Variants in KIF1A observed in about 807,000 individuals in gnomAD.
The protein encoded by KIF1A is kinesin-like protein KIF1A.
Under a neutral mutation model 227.3 loss-of-function variants are expected in KIF1A, and 46 were observed. The observed-to-expected ratio is 0.20, with a 90% confidence interval of 0.16 to 0.26. The LOEUF (loss-of-function observed/expected upper bound fraction) is 0.26. Ranked by LOEUF, KIF1A falls within the 10% of genes least tolerant of loss-of-function variation. The probability of loss-of-function intolerance (pLI) is 1.00; values close to 1 mark genes in which losing one functional copy is unlikely to be tolerated. For synonymous variants in KIF1A, 1,022 were observed against 1,012.8 expected (o/e 1.01, Z -0.17); for missense variants, 1,683 against 2,485.9 (o/e 0.68, Z 6.87).
In KIF1A at chr2:240,793,709, T is replaced by C. The variant is rs1386305033; in HGVS notation, c.106+3938A>G. Among the ~76,000 whole-genome samples the C allele has an allele frequency of 6.6e-6, 1 of 152,250 alleles. No homozygotes were observed. The highest frequency in any genetic ancestry group is 1.5e-5 in the Non-Finnish European group (1 of 68,048). ...GTGTTCAAATGAAGAGGATTATTTA[T>C]GCAGGTGATGATTACGGGATAACAG... On this transcript the variant is annotated intron_variant, in intron 2 of 48. Coordinates refer to ENST00000498729, the MANE Select transcript of KIF1A (RefSeq NM_001244008.2). The surrounding 1 kb of genome is among the most constrained non-coding windows in gnomAD (Gnocchi z 4.8).
intron 10 of KIF1A, among the ~76,000 whole-genome samples, chr2:240,779,843 C>G (rs1005398795): frequency 3.3e-5 from 5 of 152,322 alleles, no homozygotes; most frequent in Non-Finnish European, 4.4e-5. Flanking sequence ...GCATGCACTG[C>G]CTCCCAGTTG....
chr2:240,787,987 T>G, intron 4 of KIF1A, 64 bp downstream of exon 4: 1 of 1,469,722 alleles, frequency 6.8e-7, no homozygotes, highest in Non-Finnish European at 9.2e-7. Flanking sequence ...GGCCCGGAGC[T>G]CTCAGCCTCA....
chr2:240,786,765 G>GGGTGGGGGAC (rs2054915595), intron 5 of KIF1A, among the ~76,000 whole-genome samples: 1 of 117,642 alleles, frequency 8.5e-6, no homozygotes. Flanking sequence ...AGAGGGTAGG[G>GGGTGGGGGAC]GCCACCATCA....
chr2:240,818,447 A>T (rs1370440843), intron 1 of KIF1A, among the ~76,000 whole-genome samples: 1 of 152,148 alleles, frequency 6.6e-6, no homozygotes, highest in Non-Finnish European at 1.5e-5. Flanking sequence ...ACCCCTCTAA[A>T]TAGACGGTGT....
Position 240,787,316 on chromosome 2 carries a change from G to A in KIF1A, c.364C>T (p.Leu122Phe). ...EKDQQGIIPQ[L>F]CEDLFSRIND... ...ATCCGAGAGAAGAGGTCCTCGCAGA[G>A]CTGCAGGAATGGGGGGACAGTCAGC... Residue 122 changes from leucine to phenylalanine, a missense_variant and splice_region_variant, in exon 5 of 49, where the codon CTC becomes TTC. By Grantham distance (22) the Leu-to-Phe change is conservative (BLOSUM62 0). Around this residue, in one of 12 missense-constraint regions of KIF1A, gnomAD observed 75 missense variants for 131.2 expected, o/e 0.57. Transcript: ENST00000498729. The A allele has an allele frequency of 6.2e-7, 1 of 1,612,942 alleles. No homozygotes were observed. The highest frequency in any genetic ancestry group is 8.5e-7 in the Non-Finnish European group (1 of 1,179,474).
intron 2 of KIF1A, among the ~76,000 whole-genome samples, chr2:240,796,167 C>A (rs1275926474): frequency 6.6e-6 from 1 of 152,232 alleles, no homozygotes; most frequent in Non-Finnish European, 1.5e-5. Flanking sequence ...TCGAAGGTCA[C>A]ACCCAGAGCC....
chr2:240,725,532 G>T lies in KIF1A; in HGVS notation c.4123-128C>A. On this transcript the variant is annotated intron_variant, in intron 39 of 48. Coordinates refer to ENST00000498729, the MANE Select transcript of KIF1A (RefSeq NM_001244008.2). This position sits in a 1 kb window ranked among gnomAD's most constrained non-coding sequence, Gnocchi z 5.8. ...CCCCAGGGCCTTCCCAGGGCCTCAGGTGTGGCCTGGACGCAGGCAGGAGAA... is the reference window on the plus strand; with the variant it reads ...CCCCAGGGCCTTCCCAGGGCCTCAGTTGTGGCCTGGACGCAGGCAGGAGAA... 9.9e-7 allele frequency: 1 copy of T among 1,005,088 alleles called. No individual in the cohort carries two copies. The highest frequency in any genetic ancestry group is 1.4e-6 in the Non-Finnish European group (1 of 692,498). 62.3% of individuals were successfully genotyped at this position (1,005,088 alleles called of 1,614,324 possible).
chr2:240,734,134 C>T (rs989455932), intron 38 of KIF1A, among the ~76,000 whole-genome samples: 17 of 152,254 alleles, frequency 1.1e-4, no homozygotes, highest in African/African-American at 1.7e-4. Flanking sequence ...TGGCTGGAGC[C>T]GCTGTCCCTC....
At chr2:240,720,245 T>C (rs942016055) in intron 45 of KIF1A, 18 of 251,714 alleles carry the variant, frequency 7.2e-5, no homozygotes, top group African/African-American at 3.8e-4. Flanking sequence ...TGAAAGCAAG[T>C]CCAGCATCTC....
Position 240,740,205 on chromosome 2 carries a change from G to A in KIF1A, c.3817-63C>T, listed in dbSNP as rs1474729037. On this transcript the variant is annotated intron_variant, in intron 36 of 48. Transcript: ENST00000498729. The surrounding 1 kb of genome is among the most constrained non-coding windows in gnomAD (Gnocchi z 6.1). The stretch of plus-strand genomic sequence containing the variant: ...CAGGGGGCTACGTAGGGTGAGGGAG[G>A]GGGACACAGGCAGGGTAGGGGCAGG... The A allele has an allele frequency of 2.5e-6, 4 of 1,571,602 alleles. No individual in the cohort carries two copies. In the African/African-American group the frequency reaches 4.1e-5, roughly 16 times the overall value.
At chr2:240,735,614 C>T (rs769673927) in intron 38 of KIF1A, among the ~76,000 whole-genome samples, 4 of 152,206 alleles carry the variant, frequency 2.6e-5, no homozygotes, top group African/African-American at 7.2e-5. Context: ...CCCGCCCTTC[C>T]GGGCCCCACC....
Position 240,775,894 on chromosome 2 carries a change from C to G in KIF1A, c.915G>C (p.Pro305=). The change falls in exon 11 of 49, where the codon CCG becomes CCC. Residue 305 remains proline (P), a synonymous_variant. Coordinates refer to ENST00000498729, the MANE Select transcript of KIF1A (RefSeq NM_001244008.2). This position sits in a 1 kb window ranked among gnomAD's most constrained non-coding sequence, Gnocchi z 5.5. The part of the protein sequence containing the change: ...NKKKKKTDFI[P]YRDSVLTWLL... Reference sequence around the variant, plus strand: ...GCCAGGTCAACACGGAATCTCGGTACGGAATGAAATCTGTCTTCTTCTTTT... The same window carrying G: ...GCCAGGTCAACACGGAATCTCGGTAGGGAATGAAATCTGTCTTCTTCTTTT... The G allele has an allele frequency of 6.2e-7, 1 of 1,612,150 alleles. No individual in the cohort carries two copies. The highest frequency in any genetic ancestry group is 1.1e-5 in the South Asian group (1 of 91,062).
In KIF1A at chr2:240,792,916, T is replaced by C. The variant is rs909622236; in HGVS notation, c.107-3604A>G. Among the ~76,000 whole-genome samples the C allele has an allele frequency of 1.3e-5, 2 of 152,162 alleles. No individual in the cohort carries two copies. The highest frequency in any genetic ancestry group is 2.9e-5 in the Non-Finnish European group (2 of 68,022). ...ACAGCCCTCCCACGATCTAGACCTG[T>C]GGGCATCTTGATTGGACTTCCGCCT... On this transcript the variant is annotated intron_variant, in intron 2 of 48. Coordinates refer to ENST00000498729, the MANE Select transcript of KIF1A (RefSeq NM_001244008.2). This position sits in a 1 kb window ranked among gnomAD's most constrained non-coding sequence, Gnocchi z 4.5.
Position 240,769,202 on chromosome 2 carries a change from G to T in KIF1A, c.1428C>A (p.Ala476=), listed in dbSNP as rs1485577842. 1.2e-6 allele frequency: 2 copies of T among 1,608,584 alleles called. No individual in the cohort carries two copies. Residue 476 remains alanine, a synonymous_variant, in exon 17 of 49, where the codon GCC becomes GCA. Transcript: ENST00000498729. ...RTEAIRMERE[A]LLAEMGVAMR... is the part of the protein sequence containing the mutation. Reference sequence around the variant, plus strand: ...TGGCCACACCCATCTCGGCCAGCAGGGCTTCCCTGGGGGAACAGAGCTGAG... The same window carrying T: ...TGGCCACACCCATCTCGGCCAGCAGTGCTTCCCTGGGGGAACAGAGCTGAG...
At position 240,786,801 on chromosome 2, in the gene KIF1A, C is replaced by A. The variant is rs745529137; in HGVS notation, c.430-288G>T. The stretch of plus-strand genomic sequence containing the variant: ...GGACCCCTGAGTGAGGGGGTGGGGG[C>A]TGCCATCAGGACCCCTGAGTGAGAG... On this transcript the variant is annotated intron_variant, in intron 5 of 48. Coordinates refer to ENST00000498729, the MANE Select transcript of KIF1A (RefSeq NM_001244008.2). Among the ~76,000 whole-genome samples the A allele has an allele frequency of 2.0e-3, 237 of 120,924 alleles. 7 individuals carry two copies. Among genetic ancestry groups the A allele is most frequent in the Admixed American group, 3.3e-3 (41 of 12,506 alleles). 79.3% of individuals were successfully genotyped at this position (120,924 alleles called of 152,430 possible).
intron 38 of KIF1A, among the ~76,000 whole-genome samples, chr2:240,729,882 A>G (rs1344302256): frequency 6.6e-6 from 1 of 152,202 alleles, no homozygotes; most frequent in East Asian, 1.9e-4. Context: ...CAAGATGGCT[A>G]GCCGGACCAG....
intron 1 of KIF1A, among the ~76,000 whole-genome samples, chr2:240,819,428 G>C (rs2058561413): frequency 6.6e-6 from 1 of 152,146 alleles, no homozygotes; most frequent in African/African-American, 2.4e-5. Flanking sequence ...TTCTGGAAGG[G>C]AGCTGGGGTC....
chr2:240,767,400 G>T lies in KIF1A; in HGVS notation c.1498-55C>A, dbSNP rs1467482202. On this transcript the variant is annotated intron_variant, in intron 17 of 48. Transcript: ENST00000498729. ...TGCAGAGGGGCAGGAGCCTGATGCT[G>T]GCCACACCCCCCTCCAACCTCTCTC... 2.8e-6 allele frequency: 4 copies of T among 1,436,692 alleles called. No individual in the cohort carries two copies. In the Admixed American group the frequency reaches 5.2e-5, roughly 19 times the overall value. The allele number at this position is 1,436,692 out of a possible 1,614,324, so 89.0% of individuals were successfully genotyped here.
At chr2:240,738,798 G>A (rs961804549) in intron 37 of KIF1A, among the ~76,000 whole-genome samples, 34 of 152,318 alleles carry the variant, frequency 2.2e-4, no homozygotes, top group South Asian at 1.0e-3. Flanking sequence ...ACCCAGGCCC[G>A]AAGGATGCGT....
Sources: allele counts gnomAD v4.1 joint callset (sites outside exome capture counted in the v4.1 genomes callset), GRCh38; gene constraint gnomAD v4.1.1; regional missense constraint gnomAD v4.1.1; non-coding constraint Gnocchi (gnomAD v3.1); transcripts MANE v1.5; gene names NCBI Gene and HGNC (gene_info 2026-07-23, HGNC 2026-07-21).